The following SEC24D variants were observed in gnomAD, a reference collection of about 807,000 sequenced individuals.
The protein encoded by SEC24D is protein transport protein Sec24D.
SEC24D carries 69 observed loss-of-function variants against 116.9 expected under a neutral mutation model. The ratio of observed to expected loss-of-function variants is 0.59; its 90% confidence interval spans 0.49 to 0.72. The LOEUF (loss-of-function observed/expected upper bound fraction) is 0.72, where lower values mean the gene tolerates loss of function less well. SEC24D is among the 30% of genes least tolerant of loss of function. SEC24D has a pLI of 0.00. For synonymous variants in SEC24D, 405 were observed against 442.8 expected, an observed-to-expected ratio of 0.91 and a Z score of 1.07; for missense variants, 1,131 against 1,264.1, an observed-to-expected ratio of 0.89 and a Z score of 1.60.
At chr4:118,748,461 C>T (rs572341043) in intron 13 of SEC24D, among the ~76,000 whole-genome samples, 83 of 152,162 alleles carry the variant, frequency 5.5e-4, no homozygotes, top group Middle Eastern at 3.4e-3. Flanking sequence ...GATAAAGTTC[C>T]TATGTATTAA....
In SEC24D at chr4:118,771,871, C is replaced by T. The variant is rs1435315241; in HGVS notation, c.1042-3560G>A. On this transcript the variant is annotated intron_variant, in intron 8 of 22. Transcript: ENST00000280551. The stretch of plus-strand genomic sequence containing the variant: ...TACCTTTGAGGGACCTACAGTGTAG[C>T]GGGGTAGAAAGACAGTAAATAAAAA... Among the ~76,000 whole-genome samples the T allele has an allele frequency of 4.0e-5, 6 of 151,674 alleles. No homozygotes were observed. In the East Asian group the frequency reaches 5.8e-4, roughly 15 times the overall value.
Position 118,800,342 on chromosome 4 carries a change from G to A in SEC24D, c.914-2532C>T, listed in dbSNP as rs1578450196. Among the ~76,000 whole-genome samples, 3 of 152,256 alleles carry A rather than the reference G, an allele frequency of 2.0e-5. 1 individual carries two copies. Among genetic ancestry groups the A allele is most frequent in the East Asian group, 3.9e-4 (2 of 5,178 alleles). On this transcript the variant is annotated intron_variant, in intron 7 of 22. Coordinates refer to ENST00000280551, the MANE Select transcript of SEC24D (RefSeq NM_014822.4). ...AACAGCGATTGTGGCGGGGTTGTGA[G>A]CCTCTCTCTGGCCATGTTTTGCTGC...
intron 8 of SEC24D, among the ~76,000 whole-genome samples, chr4:118,783,449 C>G (rs1013366043): frequency 6.6e-6 from 1 of 152,212 alleles, no homozygotes; most frequent in Admixed American, 6.5e-5. Flanking sequence ...TCCATGAGGG[C>G]AGAGATCTTT....
In SEC24D at chr4:118,733,837, A is replaced by G. The variant is rs75157922; in HGVS notation, c.2497-925T>C. On this transcript the variant is annotated intron_variant, in intron 19 of 22. Transcript: ENST00000280551. Reference sequence around the variant, plus strand: ...CTCAATTAATAAACAAATCCTTTTAATTCTACCTTCATAATCTACCTGTAC... The same window carrying G: ...CTCAATTAATAAACAAATCCTTTTAGTTCTACCTTCATAATCTACCTGTAC... 7.0e-3 allele frequency among the ~76,000 whole-genome samples: 1,059 copies of G among 152,010 alleles called. 13 individuals are homozygous for G. The highest frequency in any genetic ancestry group is 0.024 in the African/African-American group (974 of 41,436).
chr4:118,738,416 G>T (rs1560614454), intron 18 of SEC24D, 37 bp from the exon 19 acceptor site: 1 of 1,320,812 alleles, frequency 7.6e-7, no homozygotes. Flanking sequence ...ATGAGTTTTA[G>T]CTCAGACACT....
chr4:118,770,311 C>T (rs1466603178), intron 8 of SEC24D, among the ~76,000 whole-genome samples: 2 of 151,952 alleles, frequency 1.3e-5, no homozygotes, highest in East Asian at 3.8e-4. Flanking sequence ...CTTGAGGAGG[C>T]AAGAGAGAAG....
Position 118,824,622 on chromosome 4 carries a change from T to C in SEC24D, c.246A>G (p.Gln82=). The change falls in exon 3 of 23, where the codon CAA becomes CAG. Residue 82 remains glutamine, a splice_region_variant and synonymous_variant. Transcript: ENST00000280551. ...NGAHATGHPP[Q]RFPGPPPVNN... is the part of the protein sequence containing the mutation. ...AGGTTGGAATCTACCTAGCTCACCT[T>C]TGGGGAGGGTGACCAGTGGCATGAG... 6.2e-7 allele frequency: 1 copy of C among 1,600,280 alleles called. No homozygotes were observed. Among genetic ancestry groups the C allele is most frequent in the Middle Eastern group, 1.7e-4 (1 of 6,012 alleles).
intron 19 of SEC24D, 101 bp downstream of exon 19, chr4:118,738,160 A>T: frequency 1.3e-6 from 1 of 796,946 alleles, no homozygotes. Flanking sequence ...CTGTAACAGC[A>T]TCTAAGTGCC....
rs538109948 is a variant in SEC24D at position 118,760,369 on chromosome 4, T to C, written c.1297-2524A>G. 6.6e-5 allele frequency: 10 copies of C among 152,346 alleles called. No individual in the cohort carries two copies. The South Asian group carries it at 1.9e-3, about 28-fold the overall frequency. The allele number at this position is 152,346 out of a possible 1,614,324, so 9.4% of individuals were successfully genotyped here. A position where few individuals can be genotyped will look rare whatever the true frequency, so the allele number is the denominator to read the frequency against. The stretch of plus-strand genomic sequence containing the variant: ...ATCACCATCCCATGTTCTGTCTCTA[T>C]GAATTTGACTATTCTACATACCTCA... On this transcript the variant is annotated intron_variant, in intron 10 of 22. Transcript: ENST00000280551.
intron 2 of SEC24D, among the ~76,000 whole-genome samples, chr4:118,828,321 G>C (rs373938328): frequency 6.6e-6 from 1 of 152,094 alleles, no homozygotes; most frequent in South Asian, 2.1e-4. Context: ...ATGTTAGCCA[G>C]GGTGGTCTTG....
chr4:118,788,531 T>C (rs756102846), intron 8 of SEC24D, among the ~76,000 whole-genome samples: 2 of 152,244 alleles, frequency 1.3e-5, no homozygotes, highest in African/African-American at 2.4e-5. Context: ...CTGTCCTTTA[T>C]AGTGAAAGAG....
intron 9 of SEC24D, 79 bp downstream of exon 9, chr4:118,768,094 T>C: frequency 8.1e-7 from 1 of 1,235,268 alleles, no homozygotes; most frequent in Non-Finnish European, 1.1e-6. Context: ...AAAGAATGTA[T>C]GCTTCTCCTA....
At chr4:118,800,026 T>C (rs1729361255) in intron 7 of SEC24D, among the ~76,000 whole-genome samples, 1 of 152,118 alleles carries the variant, frequency 6.6e-6, no homozygotes, top group African/African-American at 2.4e-5. Flanking sequence ...TGTGGAAATA[T>C]ACTTGAGTGG....
At chr4:118,806,393 T>C (rs1414864870) in intron 6 of SEC24D, among the ~76,000 whole-genome samples, 1 of 152,070 alleles carries the variant, frequency 6.6e-6, no homozygotes, top group Non-Finnish European at 1.5e-5. Flanking sequence ...TGGAGTGCTG[T>C]GCCGCAATCA....
rs1358112958 is a variant in SEC24D at position 118,739,013 on chromosome 4, T to A, written c.2377+136A>T. ...AGAGTTAGGAATGCTGACTATTCTCTCTCAGCCTTTGCTTTTATTAGTTCT... is the reference window on the plus strand; with the variant it reads ...AGAGTTAGGAATGCTGACTATTCTCACTCAGCCTTTGCTTTTATTAGTTCT... On this transcript the variant is annotated intron_variant, in intron 18 of 22. Transcript: ENST00000280551. 2.1e-5 allele frequency: 16 copies of A among 774,050 alleles called. No homozygotes were observed. In the Admixed American group the frequency reaches 3.4e-4, roughly 16 times the overall value. The allele number at this position is 774,050 out of a possible 1,614,324, so 47.9% of individuals were successfully genotyped here. A position where few individuals can be genotyped will look rare whatever the true frequency, so the allele number is the denominator to read the frequency against.
intron 2 of SEC24D, among the ~76,000 whole-genome samples, chr4:118,829,786 T>C (rs1477427159): frequency 6.6e-6 from 1 of 151,712 alleles, no homozygotes; most frequent in African/African-American, 2.4e-5. Context: ...CACTCCAGCC[T>C]GGGTAATAAG....
chr4:118,817,344 G>T lies in SEC24D; in HGVS notation c.317C>A (p.Ser106Tyr). 1.9e-6 allele frequency: 3 copies of T among 1,614,014 alleles called. No individual in the cohort carries two copies. The South Asian group carries it at 3.3e-5, about 18-fold the overall frequency. The stretch of plus-strand genomic sequence containing the variant: ...AGTGGATATAGGACCTGGATAAGAA[G>T]ATTGTGCAGAGGGTTGGTATGGTGC... ...SHAPYQPSAQ[S>Y]SYPGPISTSS... The change falls in exon 4 of 23, where the codon TCT (serine) becomes TAT (tyrosine). Residue 106 changes from serine (S) to tyrosine (Y), a missense_variant. Ser to Tyr is a moderately radical substitution (Grantham distance 144, BLOSUM62 -2). Transcript: ENST00000280551.
chr4:118,731,274 T>C, intron 21 of SEC24D, 42 bp downstream of exon 21: 2 of 1,516,372 alleles, frequency 1.3e-6, no homozygotes, highest in Non-Finnish European at 1.8e-6. Flanking sequence ...TACGAATTTA[T>C]ATTTTTCATA....
At chr4:118,728,797 A>G in intron 21 of SEC24D, 147 bp from the exon 22 acceptor site, 1 of 526,996 alleles carries the variant, frequency 1.9e-6, no homozygotes. Context: ...ACTGTGGGGA[A>G]AATGCACTAA....
Sources: allele counts gnomAD v4.1 joint callset (sites outside exome capture counted in the v4.1 genomes callset), GRCh38; gene constraint gnomAD v4.1.1; transcripts MANE v1.5; gene names NCBI Gene and HGNC (gene_info 2026-07-23, HGNC 2026-07-21).